Variants in RGS7 observed in about 807,000 individuals in gnomAD.
RGS7 encodes the protein regulator of G-protein signaling 7.
In RGS7, 27 loss-of-function variants were observed where a neutral mutation model predicts 81.1. The ratio of observed to expected loss-of-function variants is 0.33; its 90% CI spans 0.25 to 0.46. The LOEUF (loss-of-function observed/expected upper bound fraction) is 0.46, where lower values mean the gene tolerates loss of function less well. RGS7 is among the 20% of genes least tolerant of loss of function. RGS7 has a pLI of 1.00. For missense variants in RGS7, 396 were observed against 607.4 expected, an observed-to-expected ratio of 0.65 and a Z score of 3.66; for synonymous variants, 208 against 207.7, an observed-to-expected ratio of 1.00 and a Z score of -0.01.
intron 2 of RGS7, among the ~76,000 whole-genome samples, chr1:241,131,268 T>C (rs2067075548): frequency 6.6e-6 from 1 of 152,178 alleles, no homozygotes; most frequent in Admixed American, 6.5e-5. Context: ...GTAAGGGAAT[T>C]TGAATGTCTA....
chr1:241,147,780 T>TTTTTTATATATATATATA lies in RGS7; in HGVS notation c.79-49019_79-49018insTATATATATATATAAAAA, dbSNP rs1428939736. Among the ~76,000 whole-genome samples, 5 of 44,646 alleles carry TTTTTTATATATATATATA rather than the reference T, an allele frequency of 1.1e-4. 1 individual carries two copies. Among genetic ancestry groups the TTTTTTATATATATATATA allele is most frequent in the Non-Finnish European group, 1.8e-4 (4 of 22,034 alleles). The allele number at this position is 44,646 out of a possible 152,430, so 29.3% of individuals were successfully genotyped here. A position where few individuals can be genotyped will look rare whatever the true frequency, so the allele number is the denominator to read the frequency against. ...TTAAATATCCCATCTAGATTAAGTT[T>TTTTTTATATATATATATA]TATATATATATATATATATATATAT... On this transcript the variant is annotated intron_variant, in intron 2 of 18. Coordinates refer to ENST00000440928, the MANE Select transcript of RGS7 (RefSeq NM_001364886.1).
chr1:240,786,861 T>G (rs937243383), intron 18 of RGS7, among the ~76,000 whole-genome samples: 1 of 152,234 alleles, frequency 6.6e-6, no homozygotes, highest in African/African-American at 2.4e-5. Context: ...TGTTGTACTT[T>G]CAGATTGTGT....
intron 2 of RGS7, among the ~76,000 whole-genome samples, chr1:241,154,764 A>G (rs1392608737): frequency 1.3e-5 from 2 of 152,192 alleles, no homozygotes; most frequent in Non-Finnish European, 1.5e-5. Context: ...AAGAGGAGAG[A>G]GAAATGGCAG....
chr1:241,103,243 A>G (rs771874914), intron 2 of RGS7, among the ~76,000 whole-genome samples: 5 of 152,164 alleles, frequency 3.3e-5, no homozygotes, highest in Non-Finnish European at 5.9e-5. Flanking sequence ...ACACACATAT[A>G]TGCACATGCA....
At chr1:241,338,450 T>G (rs917975368) in intron 2 of RGS7, among the ~76,000 whole-genome samples, 1 of 152,154 alleles carries the variant, frequency 6.6e-6, no homozygotes, top group African/African-American at 2.4e-5. Flanking sequence ...AAAAGATTCT[T>G]CAGCTACAGA....
chr1:240,933,672 C>T (rs1676097374), intron 5 of RGS7, among the ~76,000 whole-genome samples: 1 of 151,906 alleles, frequency 6.6e-6, no homozygotes, highest in African/African-American at 2.4e-5. Flanking sequence ...TCAATATTGG[C>T]TTCCTTAGCT....
intron 3 of RGS7, among the ~76,000 whole-genome samples, chr1:241,007,365 T>A (rs942189078): frequency 6.6e-6 from 1 of 152,222 alleles, no homozygotes; most frequent in Non-Finnish European, 1.5e-5. Flanking sequence ...TAATAGGGCA[T>A]AATATATATA....
At position 241,351,423 on chromosome 1, in the gene RGS7, TA is replaced by T. The variant is rs35604303; in HGVS notation, c.78+4275del. Among the ~76,000 whole-genome samples, 45 of 145,890 alleles carry T rather than the reference TA, an allele frequency of 3.1e-4. 1 individual carries two copies. Among genetic ancestry groups the T allele is most frequent in the African/African-American group, 8.6e-4 (34 of 39,674 alleles). On this transcript the variant is annotated intron_variant, in intron 2 of 18. Transcript: ENST00000440928. ...AACAGAGCAATACCCTGACTTTATT[TA>T]AAAAAAAAAAAAATAGAATGGAGCA... is the stretch of plus-strand genomic sequence containing the variant.
At chr1:241,051,489 C>A (rs544306639) in intron 3 of RGS7, among the ~76,000 whole-genome samples, 1 of 152,096 alleles carries the variant, frequency 6.6e-6, no homozygotes, top group Non-Finnish European at 1.5e-5. Flanking sequence ...ACAGACTTCA[C>A]GTCCTAGCTT....
chr1:241,133,027 G>T (rs971939421), intron 2 of RGS7, among the ~76,000 whole-genome samples: 2 of 152,144 alleles, frequency 1.3e-5, no homozygotes, highest in African/African-American at 4.8e-5. Context: ...CTCCCAAAGT[G>T]CTGGGATTAC....
At chr1:241,327,142 G>GGAAAGAAAGAAAAGA (rs1553320933) in intron 2 of RGS7, among the ~76,000 whole-genome samples, 34 of 85,350 alleles carry the variant, frequency 4.0e-4, no homozygotes, top group East Asian at 7.5e-4. Flanking sequence ...AAGAAAGAAA[G>GGAAAGAAAGAAAAGA]AAAGGAAAGA....
At position 241,163,650 on chromosome 1, in the gene RGS7, C is replaced by T. The variant is rs1012912156; in HGVS notation, c.79-64888G>A. On this transcript the variant is annotated intron_variant, in intron 2 of 18. Coordinates refer to ENST00000440928, the MANE Select transcript of RGS7 (RefSeq NM_001364886.1). The surrounding 1 kb of genome is among the most constrained non-coding windows in gnomAD (Gnocchi z 4.6). Reference sequence around the variant, plus strand: ...GCCAGGGCTCCTCTTCTCTCCCTCCCATAATCACAACCTGTTTTGCCACAA... The same window carrying T: ...GCCAGGGCTCCTCTTCTCTCCCTCCTATAATCACAACCTGTTTTGCCACAA... 7.9e-5 allele frequency among the ~76,000 whole-genome samples: 12 copies of T among 152,162 alleles called. No homozygotes were observed. The highest frequency in any genetic ancestry group is 2.7e-4 in the African/African-American group (11 of 41,430).
At chr1:241,063,585 G>A (rs2061861868) in intron 3 of RGS7, among the ~76,000 whole-genome samples, 1 of 152,110 alleles carries the variant, frequency 6.6e-6, no homozygotes, top group Non-Finnish European at 1.5e-5. Context: ...TTATTTGTGG[G>A]CCATTTAAAA....
chr1:241,026,143 T>C (rs1364798258), intron 3 of RGS7, among the ~76,000 whole-genome samples: 1 of 152,230 alleles, frequency 6.6e-6, no homozygotes, highest in Non-Finnish European at 1.5e-5. Flanking sequence ...AAGCTCTGCA[T>C]GGTCAGCAAC....
chr1:240,913,985 A>G (rs1175747763), intron 6 of RGS7, among the ~76,000 whole-genome samples: 1 of 151,864 alleles, frequency 6.6e-6, no homozygotes, highest in Non-Finnish European at 1.5e-5. Flanking sequence ...ATATGTATAC[A>G]TGTGCCATGC....
chr1:241,159,385 A>G (rs983906997), intron 2 of RGS7, among the ~76,000 whole-genome samples: 7 of 152,126 alleles, frequency 4.6e-5, no homozygotes, highest in East Asian at 1.9e-4. Flanking sequence ...TCTTTCTACA[A>G]AGAAACCCCT....
At chr1:240,808,878 T>TA (rs5782161) in intron 14 of RGS7, among the ~76,000 whole-genome samples, 211 of 145,902 alleles carry the variant, frequency 1.4e-3, no homozygotes, top group Middle Eastern at 3.5e-3. Context: ...CCATCTCTCT[T>TA]AAAAAAAAAA....
intron 2 of RGS7, among the ~76,000 whole-genome samples, chr1:241,273,472 G>A (rs776385176): frequency 2.6e-5 from 4 of 151,994 alleles, no homozygotes; most frequent in African/African-American, 4.8e-5. Context: ...GAGTTCTCAG[G>A]GAATTGTTTT....
At chr1:241,226,707 T>TA (rs1304876107) in intron 2 of RGS7, among the ~76,000 whole-genome samples, 1 of 152,182 alleles carries the variant, frequency 6.6e-6, no homozygotes, top group African/African-American at 2.4e-5. Context: ...CATGAGCAGG[T>TA]GACACCGAGC....
Sources: allele counts gnomAD v4.1 joint callset (sites outside exome capture counted in the v4.1 genomes callset), GRCh38; gene constraint gnomAD v4.1.1; non-coding constraint Gnocchi (gnomAD v3.1); transcripts MANE v1.5; gene names NCBI Gene and HGNC (gene_info 2026-07-23, HGNC 2026-07-21).